Variants in RUFY1 observed in about 807,000 individuals in gnomAD.
The protein encoded by RUFY1 is RUN and FYVE domain-containing protein 1.
RUFY1 carries 54 observed loss-of-function variants against 94.6 expected under a neutral mutation model. The observed-to-expected ratio is 0.57, with a 90% CI of 0.46 to 0.72. The LOEUF (loss-of-function observed/expected upper bound fraction) is 0.72. RUFY1 is among the 30% of genes least tolerant of loss of function. RUFY1 has a pLI of 0.00. For missense variants in RUFY1, 883 were observed against 883.9 expected, an observed-to-expected ratio of 1.00 and a Z score of 0.01; for synonymous variants, 396 against 347.3, an observed-to-expected ratio of 1.14 and a Z score of -1.56.
chr5:179,590,411 C>T (rs1006435563), intron 9 of RUFY1, among the ~76,000 whole-genome samples: 2 of 151,770 alleles, frequency 1.3e-5, no homozygotes, highest in African/African-American at 2.4e-5. Flanking sequence ...GTGCTAAAAA[C>T]ATGTTCATAA....
intron 2 of RUFY1, among the ~76,000 whole-genome samples, chr5:179,560,725 CAAAAAAAAAAAAAAAAAA>C (rs1762393471): frequency 1.3e-5 from 1 of 78,806 alleles, no homozygotes; most frequent in East Asian, 4.8e-4. Flanking sequence ...GACTCCGTCT[CAAAAAAAAAAAAAAAAAA>C]GAAAAAAGAA....
At chr5:179,585,955 C>A in intron 8 of RUFY1, 90 bp downstream of exon 8, 2 of 1,034,538 alleles carry the variant, frequency 1.9e-6, no homozygotes, top group Middle Eastern at 2.1e-4. Context: ...GCAGAGCTTC[C>A]TGCTGGTAGG....
chr5:179,551,600 T>C (rs1744134582), intron 1 of RUFY1, among the ~76,000 whole-genome samples: 1 of 150,906 alleles, frequency 6.6e-6, no homozygotes, highest in Non-Finnish European at 1.5e-5. Context: ...CAAGCGATCC[T>C]CCCTCCCGCC....
At chr5:179,570,911 A>T (rs1003668652) in intron 5 of RUFY1, among the ~76,000 whole-genome samples, 1 of 152,228 alleles carries the variant, frequency 6.6e-6, no homozygotes, top group Admixed American at 6.5e-5. Flanking sequence ...ATTCAGTGTT[A>T]CATTCTGGTA....
chr5:179,567,440 G>A, intron 3 of RUFY1, 21 bp from the exon 4 acceptor site: 3 of 1,578,344 alleles, frequency 1.9e-6, no homozygotes, highest in Admixed American at 1.7e-5. Flanking sequence ...CACAATAGTT[G>A]ATTCTCTGTT....
At position 179,586,621 on chromosome 5, in the gene RUFY1, GTAAGCCTCCCT is replaced by G. The variant is rs1175112473; in HGVS notation, c.1026+760_1026+770del. ...CCATCTCTGTAATGAGGGACCCCGT[GTAAGCCTCCCT>G]TAAAGCTGACTGCTCCCTCCTGAGG... is the stretch of plus-strand genomic sequence containing the variant. On this transcript the variant is annotated intron_variant, in intron 8 of 17. Transcript: ENST00000319449. 6 of 345,332 alleles carry G rather than the reference GTAAGCCTCCCT, an allele frequency of 1.7e-5. No homozygotes were observed. In the East Asian group the frequency reaches 4.6e-4, roughly 27 times the overall value. The allele number at this position is 345,332 out of a possible 1,614,324, so 21.4% of individuals were successfully genotyped here.
chr5:179,581,118 C>T (rs982841686), intron 7 of RUFY1, 106 bp downstream of exon 7: 18 of 695,662 alleles, frequency 2.6e-5, no homozygotes, highest in Non-Finnish European at 4.2e-5. Flanking sequence ...TGTTTCCAAA[C>T]CAAGACAAAA....
Position 179,594,934 on chromosome 5 carries a change from T to A in RUFY1, c.1482T>A (p.Val494=). The change falls in exon 12 of 18, where the codon GTT becomes GTA. Residue 494 remains valine, a synonymous_variant. Transcript: ENST00000319449. ...CCTTTGAAGGAAAAACCAACCAAGT[T>A]ATGTCCAGCATGAAACAAATGGAAG... ...ITSFEGKTNQ[V]MSSMKQMEER... The A allele has an allele frequency of 6.2e-7, 1 of 1,612,648 alleles. No individual in the cohort carries two copies. The highest frequency in any genetic ancestry group is 8.5e-7 in the Non-Finnish European group (1 of 1,178,966).
chr5:179,566,564 A>G (rs1030053803), intron 3 of RUFY1, among the ~76,000 whole-genome samples: 3 of 151,310 alleles, frequency 2.0e-5, no homozygotes, highest in Admixed American at 1.3e-4. Context: ...CAAGATCACA[A>G]CGGTGAGCCA....
In RUFY1 at chr5:179,596,571, C is replaced by T. The variant is rs1765664397; in HGVS notation, c.1521C>T (p.His507=). The T allele has an allele frequency of 1.2e-6, 2 of 1,613,608 alleles. No homozygotes were observed. The highest frequency in any genetic ancestry group is 1.3e-5 in the African/African-American group (1 of 74,930). ...SMKQMEERLQ[H]SERARQGAEE... ...CTGGTGTCGCATCCAGGTTGCAGCA[C>T]TCGGAGCGGGCGAGGCAGGGGGCTG... is the stretch of plus-strand genomic sequence containing the variant. Residue 507 remains histidine, a synonymous_variant, in exon 13 of 18, where the codon CAC becomes CAT. Coordinates refer to ENST00000319449, the MANE Select transcript of RUFY1 (RefSeq NM_025158.5).
In RUFY1 at chr5:179,598,886, G is replaced by A. The variant is rs1300025204; in HGVS notation, c.1761+65G>A. 19 of 1,583,498 alleles carry A rather than the reference G, an allele frequency of 1.2e-5. 1 individual carries two copies. Among genetic ancestry groups the A allele is most frequent in the South Asian group, 7.9e-5 (7 of 89,000 alleles). On this transcript the variant is annotated intron_variant, in intron 14 of 17. Coordinates refer to ENST00000319449, the MANE Select transcript of RUFY1 (RefSeq NM_025158.5). ...CCTCCAGAAACCCCTAACATGCTCC[G>A]GGCAGGCTCCTCTCCCCGCACCCTT... is the stretch of plus-strand genomic sequence containing the variant.
chr5:179,605,989 G>A lies in RUFY1; in HGVS notation c.1905+65G>A, dbSNP rs147619520. 1,583 of 1,073,446 alleles carry A rather than the reference G, an allele frequency of 1.5e-3. 13 individuals are homozygous for A. The highest frequency in any genetic ancestry group is 8.9e-3 in the Middle Eastern group (43 of 4,846). The allele number at this position is 1,073,446 out of a possible 1,614,324, so 66.5% of individuals were successfully genotyped here. ...GTGCTGACTGCCCGTGTGCTCGTACGTTTAAGTATCCCAACAGTCAGGTGA... is the reference window on the plus strand; with the variant it reads ...GTGCTGACTGCCCGTGTGCTCGTACATTTAAGTATCCCAACAGTCAGGTGA... On this transcript the variant is annotated intron_variant, in intron 16 of 17. Coordinates refer to ENST00000319449, the MANE Select transcript of RUFY1 (RefSeq NM_025158.5).
Position 179,570,781 on chromosome 5 carries a change from TA to T in RUFY1, c.828+1369del, listed in dbSNP as rs958416897. On this transcript the variant is annotated intron_variant, in intron 5 of 17. Transcript: ENST00000319449. ...GTTTTTTTATAACCTCTCCTCCCTT[TA>T]AAAAAAAAAAAAGTTCGATTGTCTT... is the stretch of plus-strand genomic sequence containing the variant. 4.6e-3 allele frequency among the ~76,000 whole-genome samples: 667 copies of T among 144,580 alleles called. 2 individuals carry two copies. Among genetic ancestry groups the T allele is most frequent in the African/African-American group, 0.01 (416 of 39,754 alleles). 94.9% of individuals were successfully genotyped at this position (144,580 alleles called of 152,430 possible).
chr5:179,582,835 C>T (rs1764268544), intron 7 of RUFY1, among the ~76,000 whole-genome samples: 1 of 151,764 alleles, frequency 6.6e-6, no homozygotes, highest in South Asian at 2.1e-4. Context: ...AAGAGCGAAA[C>T]TCCATCTCAA....
intron 15 of RUFY1, chr5:179,602,780 G>A (rs1346755019): frequency 6.6e-6 from 1 of 152,188 alleles, no homozygotes; most frequent in Non-Finnish European, 1.5e-5. Flanking sequence ...ACCCTGCAGG[G>A]GCAAAACAGC....
chr5:179,577,087 G>T lies in RUFY1; in HGVS notation c.841G>T (p.Asp281Tyr). ...TTATTTCGTTTAGGTTGGAGTAATA[G>T]ATTTTTCCCTCTACCTTAAGGATGT... ...EDLDSQVGVI[D>Y]FSLYLKDVQD... The change falls in exon 6 of 18, where the codon GAT (aspartate) becomes TAT (tyrosine). Residue 281 changes from aspartate (D) to tyrosine (Y), a missense_variant. Asp to Tyr is a radical substitution (Grantham distance 160). Transcript: ENST00000319449. The T allele has an allele frequency of 2.0e-6, 3 of 1,514,032 alleles. No homozygotes were observed. The highest frequency in any genetic ancestry group is 2.7e-6 in the Non-Finnish European group (3 of 1,115,468). 93.8% of individuals were successfully genotyped at this position (1,514,032 alleles called of 1,614,324 possible).
chr5:179,593,943 C>T (rs947083275), intron 11 of RUFY1, among the ~76,000 whole-genome samples: 8 of 151,968 alleles, frequency 5.3e-5, no homozygotes, highest in Non-Finnish European at 8.8e-5. Flanking sequence ...TTCACTGTCC[C>T]TCCACTGTCT....
At chr5:179,556,008 C>CT (rs1210645188) in intron 1 of RUFY1, among the ~76,000 whole-genome samples, 2 of 151,822 alleles carry the variant, frequency 1.3e-5, no homozygotes, top group East Asian at 3.9e-4. Context: ...GAAAACTTAA[C>CT]TTTTAAAGTT....
chr5:179,578,141 T>C (rs1055332725), intron 6 of RUFY1, among the ~76,000 whole-genome samples: 5 of 152,214 alleles, frequency 3.3e-5, no homozygotes, highest in Non-Finnish European at 5.9e-5. Flanking sequence ...TGGTCAAATA[T>C]AAATGGGATA....
Sources: gnomAD v4.1 joint callset for allele counts (sites outside exome capture counted in the v4.1 genomes callset) on GRCh38, gnomAD v4.1.1 for gene constraint, MANE v1.5 for transcripts, NCBI Gene and HGNC (gene_info 2026-07-23, HGNC 2026-07-21) for gene names.